The following PATJ variants were observed in gnomAD, a reference collection of about 807,000 sequenced individuals.
The protein encoded by PATJ is inaD-like protein.
In PATJ, 190 loss-of-function variants were observed where a neutral mutation model predicts 224.9. The observed-to-expected ratio is 0.84, with a 90% CI of 0.75 to 0.95. The LOEUF is 0.95. Among genes scored for constraint, PATJ ranks in the 40% least tolerant of loss-of-function variants. The probability of loss-of-function intolerance (pLI) is 0.00; values close to 1 mark genes in which losing one functional copy is unlikely to be tolerated. For synonymous variants in PATJ, 769 were observed against 820.3 expected, an observed-to-expected ratio of 0.94 and a Z score of 1.07; for missense variants, 2,121 against 2,270.3, an observed-to-expected ratio of 0.93 and a Z score of 1.34.
chr1:62,010,078 CAAAAAAAAAAAAA>C (rs34658070), intron 28 of PATJ, among the ~76,000 whole-genome samples: 1 of 84,272 alleles, frequency 1.2e-5, no homozygotes, highest in African/African-American at 3.7e-5. Context: ...GACTCCATCT[CAAAAAAAAAAAAA>C]AAAAAGAAAG....
chr1:61,964,157 T>C (rs997319248), intron 27 of PATJ, among the ~76,000 whole-genome samples: 1 of 143,592 alleles, frequency 7.0e-6, no homozygotes. Flanking sequence ...TCTCAGCTCA[T>C]TGTATCGTCT....
chr1:62,137,750 G>A (rs982209473), intron 41 of PATJ, among the ~76,000 whole-genome samples: 3 of 151,916 alleles, frequency 2.0e-5, no homozygotes, highest in Non-Finnish European at 4.4e-5. Flanking sequence ...AGATGCAAAC[G>A]TCTCTAACTG....
At chr1:61,869,145 C>G (rs1294151513) in intron 20 of PATJ, among the ~76,000 whole-genome samples, 1 of 134,524 alleles carries the variant, frequency 7.4e-6, no homozygotes, top group Non-Finnish European at 1.5e-5. Flanking sequence ...CTCGCTCTGT[C>G]GCCCAGGCTG....
chr1:61,947,683 A>G (rs1678961303), intron 27 of PATJ, among the ~76,000 whole-genome samples: 3 of 152,202 alleles, frequency 2.0e-5, no homozygotes, highest in African/African-American at 2.4e-5. Flanking sequence ...GAGGCTACCA[A>G]TGACTTTCTT....
At chr1:61,874,570 CA>C (rs948355173) in intron 20 of PATJ, among the ~76,000 whole-genome samples, 3 of 152,194 alleles carry the variant, frequency 2.0e-5, no homozygotes, top group African/African-American at 7.2e-5. Context: ...TATCACCCCA[CA>C]AAAGTCCCCA....
At chr1:62,123,182 T>C (rs1015514484) in intron 39 of PATJ, 124 bp downstream of exon 39, 4 of 682,686 alleles carry the variant, frequency 5.9e-6, no homozygotes, top group Non-Finnish European at 7.6e-6. Flanking sequence ...GAGATAAAAA[T>C]ATGGTCTAAA....
chr1:61,746,561 A>G (rs1234243187), intron 1 of PATJ, among the ~76,000 whole-genome samples: 1 of 152,226 alleles, frequency 6.6e-6, no homozygotes, highest in African/African-American at 2.4e-5. Context: ...GAGTTATGGG[A>G]GTTATAAACC....
At chr1:61,840,513 G>A (rs1480469420) in intron 17 of PATJ, among the ~76,000 whole-genome samples, 1 of 151,574 alleles carries the variant, frequency 6.6e-6, no homozygotes, top group East Asian at 1.9e-4. Context: ...AAAAAACTTT[G>A]ACATATAAAT....
chr1:61,957,070 G>A (rs2149406453), intron 27 of PATJ, among the ~76,000 whole-genome samples: 1 of 152,302 alleles, frequency 6.6e-6, no homozygotes, highest in Non-Finnish European at 1.5e-5. Flanking sequence ...GCTGTGTTGA[G>A]ACTAGGGGTT....
intron 33 of PATJ, among the ~76,000 whole-genome samples, chr1:62,107,077 C>T (rs570018905): frequency 6.6e-6 from 1 of 151,970 alleles, no homozygotes; most frequent in African/African-American, 2.4e-5. Flanking sequence ...GGAGGTGAGG[C>T]GGGCGGATCA....
At chr1:61,827,805 G>A (rs1354633485) in intron 16 of PATJ, among the ~76,000 whole-genome samples, 1 of 152,136 alleles carries the variant, frequency 6.6e-6, no homozygotes, top group Admixed American at 6.5e-5. Flanking sequence ...TGATGCACAT[G>A]GATTTTGATT....
Position 61,893,851 on chromosome 1 carries a change from C to CT in PATJ, c.3132-5721dup, listed in dbSNP as rs541963913. 1.4e-3 allele frequency among the ~76,000 whole-genome samples: 199 copies of CT among 144,342 alleles called. 3 individuals carry two copies. In the South Asian group the frequency reaches 0.028, roughly 20 times the overall value. The allele number at this position is 144,342 out of a possible 152,430, so 94.7% of individuals were successfully genotyped here. A position where few individuals can be genotyped will look rare whatever the true frequency, so the allele number is the denominator to read the frequency against. ...AAAGGTGTCATGGTGAAATACCTGC[C>CT]TTTTTTTTTTTCCTTAATGCCTATA... On this transcript the variant is annotated intron_variant, in intron 22 of 43. Transcript: ENST00000642238.
Position 62,000,852 on chromosome 1 carries a change from A to G in PATJ, c.3867+10488A>G, listed in dbSNP as rs1177800429. Among the ~76,000 whole-genome samples the G allele has an allele frequency of 4.0e-5, 6 of 151,344 alleles. No individual in the cohort carries two copies. In the South Asian group the frequency reaches 6.3e-4, roughly 16 times the overall value. ...GTTCCTATTTCTCCACATCCTTTCC[A>G]GCACTTGTTGTTTCCTGACTTTTTA... On this transcript the variant is annotated intron_variant, in intron 28 of 43. Transcript: ENST00000642238.
intron 33 of PATJ, among the ~76,000 whole-genome samples, chr1:62,096,915 C>G (rs928314264): frequency 1.3e-5 from 2 of 152,154 alleles, no homozygotes; most frequent in African/African-American, 4.8e-5. Context: ...CTGCGCCCGG[C>G]CCAACATAGA....
intron 41 of PATJ, among the ~76,000 whole-genome samples, chr1:62,133,300 G>A (rs1666454326): frequency 6.6e-6 from 1 of 152,076 alleles, no homozygotes; most frequent in Admixed American, 6.5e-5. Context: ...AATAGAATAT[G>A]GCCAGGCGTG....
intron 41 of PATJ, among the ~76,000 whole-genome samples, chr1:62,134,330 C>CTTT (rs779235130): frequency 4.9e-4 from 47 of 96,450 alleles, no homozygotes; most frequent in Middle Eastern, 9.1e-3. Flanking sequence ...CCAGCCCTCT[C>CTTT]TTTTTTTTTT....
Position 62,108,509 on chromosome 1 carries a change from C to T in PATJ, c.4450C>T (p.Gln1484Ter), listed in dbSNP as rs748123649. ...ARDGRLWAGD[Q>*]ILEVNGVDLR... Reference sequence around the variant, plus strand: ...AGATGGAAGACTTTGGGCTGGTGACCAGATATTAGAGGTATATGGTTTTGA... The same window carrying T: ...AGATGGAAGACTTTGGGCTGGTGACTAGATATTAGAGGTATATGGTTTTGA... The change falls in exon 34 of 44, where the codon CAG (glutamine) becomes TAG (stop). Residue 1484 changes from glutamine to a stop codon, truncating the protein, a stop_gained. Transcript: ENST00000642238. LOFTEE classifies it high-confidence loss of function. 8.1e-6 allele frequency: 13 copies of T among 1,604,190 alleles called. No individual in the cohort carries two copies. The South Asian group carries it at 1.0e-4, about 12-fold the overall frequency.
chr1:61,842,678 A>G (rs142292422), intron 17 of PATJ, among the ~76,000 whole-genome samples: 115 of 152,128 alleles, frequency 7.6e-4, no homozygotes, highest in Non-Finnish European at 1.2e-3. Flanking sequence ...CTCTCCTGCA[A>G]AGTGCTCAAG....
intron 33 of PATJ, among the ~76,000 whole-genome samples, chr1:62,090,260 G>A (rs1660569576): frequency 6.6e-6 from 1 of 152,158 alleles, no homozygotes; most frequent in African/African-American, 2.4e-5. Flanking sequence ...TTAATCTTGT[G>A]ATGTTGCTCC....
Sources: allele counts gnomAD v4.1 joint callset (sites outside exome capture counted in the v4.1 genomes callset), GRCh38; gene constraint gnomAD v4.1.1; transcripts MANE v1.5; gene names NCBI Gene and HGNC (gene_info 2026-07-23, HGNC 2026-07-21).